The following TMCC1 variants were observed in gnomAD, a reference collection of about 807,000 sequenced individuals.
TMCC1 encodes transmembrane and coiled-coil domain family 1.
Under a neutral mutation model 52.4 loss-of-function variants are expected in TMCC1, and 15 were observed. The observed-to-expected ratio is 0.29, with a 90% CI of 0.19 to 0.44. The LOEUF (loss-of-function observed/expected upper bound fraction) is 0.44, where lower values mean the gene tolerates loss of function less well. Among genes scored for constraint, TMCC1 ranks in the 20% least tolerant of loss-of-function variants. The probability of loss-of-function intolerance (pLI) is 1.00; values close to 1 mark genes in which losing one functional copy is unlikely to be tolerated. For missense variants in TMCC1, 503 were observed against 806.0 expected (o/e 0.62, Z 4.55); for synonymous variants, 279 against 301.9 (o/e 0.92, Z 0.79).
chr3:129,724,202 T>A (rs984901568), intron 4 of TMCC1, among the ~76,000 whole-genome samples: 6 of 152,132 alleles, frequency 3.9e-5, no homozygotes, highest in Non-Finnish European at 8.8e-5. Flanking sequence ...TAGAAAGTAA[T>A]GGCAATTCCA....
chr3:129,887,972 A>G (rs965322164), intron 1 of TMCC1, among the ~76,000 whole-genome samples: 1 of 152,260 alleles, frequency 6.6e-6, no homozygotes, highest in Non-Finnish European at 1.5e-5. Context: ...CAAATACACG[A>G]GACGACTTCA....
chr3:129,710,764 T>C (rs1040992969), intron 4 of TMCC1, among the ~76,000 whole-genome samples: 22 of 152,194 alleles, frequency 1.4e-4, no homozygotes, highest in African/African-American at 4.8e-4. Flanking sequence ...TTGAATCTAA[T>C]GGGAAACTCT....
intron 1 of TMCC1, among the ~76,000 whole-genome samples, chr3:129,888,820 T>C (rs2061836887): frequency 6.6e-6 from 1 of 152,104 alleles, no homozygotes; most frequent in Admixed American, 6.6e-5. Context: ...ATGAGCAGGG[T>C]TAACATCAAC....
At chr3:129,696,585 C>G (rs376614223) in intron 4 of TMCC1, among the ~76,000 whole-genome samples, 1 of 152,118 alleles carries the variant, frequency 6.6e-6, no homozygotes, top group South Asian at 2.1e-4. Context: ...CAACAGTCCC[C>G]GAAAGTCTTA....
chr3:129,714,024 GA>G (rs960814391), intron 4 of TMCC1, among the ~76,000 whole-genome samples: 2 of 151,086 alleles, frequency 1.3e-5, no homozygotes, highest in Admixed American at 6.6e-5. Context: ...TGTTTCTAGG[GA>G]AAAAAAAACT....
At chr3:129,794,452 A>C in intron 4 of TMCC1, 2 of 449,764 alleles carry the variant, frequency 4.4e-6, no homozygotes, top group South Asian at 3.1e-5. Context: ...AACATTTTGA[A>C]GACTGCCAGA....
At chr3:129,852,518 A>ACC (rs1436876277) in intron 2 of TMCC1, among the ~76,000 whole-genome samples, 1 of 151,886 alleles carries the variant, frequency 6.6e-6, no homozygotes, top group Non-Finnish European at 1.5e-5. Flanking sequence ...ACGAAGATGA[A>ACC]CCTTTAGATG....
At chr3:129,728,115 T>C (rs1220106350) in intron 4 of TMCC1, among the ~76,000 whole-genome samples, 1 of 152,132 alleles carries the variant, frequency 6.6e-6, no homozygotes, top group East Asian at 1.9e-4. Context: ...TAATTCTTAT[T>C]ATGTGACAGG....
chr3:129,772,566 C>A (rs1404686270), intron 4 of TMCC1, among the ~76,000 whole-genome samples: 2 of 150,260 alleles, frequency 1.3e-5, no homozygotes, highest in South Asian at 2.1e-4. Context: ...AAAAAAAATT[C>A]AAAAAAATTA....
chr3:129,734,904 AT>A (rs139829106), intron 4 of TMCC1, among the ~76,000 whole-genome samples: 384 of 141,992 alleles, frequency 2.7e-3, no homozygotes, highest in Admixed American at 2.8e-3. Flanking sequence ...TCTGTTCGAA[AT>A]TTTTTTTTTT....
chr3:129,870,716 G>C (rs2060874946), intron 2 of TMCC1, among the ~76,000 whole-genome samples: 1 of 36,398 alleles, frequency 2.7e-5, no homozygotes, highest in Non-Finnish European at 6.4e-5. Context: ...TCCGCGGGTT[G>C]GCGGGGGGGG....
chr3:129,764,484 C>G (rs1454501601), intron 4 of TMCC1, among the ~76,000 whole-genome samples: 1 of 152,060 alleles, frequency 6.6e-6, no homozygotes, highest in East Asian at 1.9e-4. Flanking sequence ...AAGAACTTCT[C>G]ACATCCTAAT....
At chr3:129,718,223 G>C (rs1430512152) in intron 4 of TMCC1, among the ~76,000 whole-genome samples, 1 of 152,176 alleles carries the variant, frequency 6.6e-6, no homozygotes, top group East Asian at 1.9e-4. Context: ...GCCATTTGCA[G>C]TCAAGAGAAA....
intron 4 of TMCC1, among the ~76,000 whole-genome samples, chr3:129,791,982 A>G (rs2056498981): frequency 6.6e-6 from 1 of 152,178 alleles, no homozygotes; most frequent in African/African-American, 2.4e-5. Context: ...AAACGTTTAT[A>G]TCTTCTTTCA....
intron 4 of TMCC1, among the ~76,000 whole-genome samples, chr3:129,698,378 C>A (rs1157406613): frequency 6.6e-6 from 1 of 152,140 alleles, no homozygotes; most frequent in African/African-American, 2.4e-5. Flanking sequence ...TAAATTACTT[C>A]CCACTGGGTC....
intron 4 of TMCC1, among the ~76,000 whole-genome samples, chr3:129,770,249 C>T (rs2107699684): frequency 6.6e-6 from 1 of 152,350 alleles, no homozygotes; most frequent in East Asian, 1.9e-4. Context: ...GATGCAGTGG[C>T]TCACACCTGT....
At chr3:129,716,897 T>C (rs1179061915) in intron 4 of TMCC1, among the ~76,000 whole-genome samples, 1 of 152,242 alleles carries the variant, frequency 6.6e-6, no homozygotes, top group Non-Finnish European at 1.5e-5. Flanking sequence ...GACCTCACTA[T>C]TGTTATCGGA....
chr3:129,806,843 T>A (rs1298584891), intron 4 of TMCC1, among the ~76,000 whole-genome samples: 1 of 151,782 alleles, frequency 6.6e-6, no homozygotes. Flanking sequence ...AGTGAAAGGA[T>A]TGGAAAATAA....
chr3:129,891,510 T>C (rs2061961883), intron 1 of TMCC1, among the ~76,000 whole-genome samples: 1 of 152,228 alleles, frequency 6.6e-6, no homozygotes, highest in Non-Finnish European at 1.5e-5. Context: ...ATTGAGTAGT[T>C]GCAAAAGAGA....
Sources: allele counts gnomAD v4.1 joint callset (sites outside exome capture counted in the v4.1 genomes callset), GRCh38; gene constraint gnomAD v4.1.1; transcripts MANE v1.5; gene names NCBI Gene and HGNC (gene_info 2026-07-23, HGNC 2026-07-21).